The following GALNT7 variants were observed in gnomAD, a reference collection of about 807,000 sequenced individuals.
GALNT7 encodes polypeptide N-acetylgalactosaminyltransferase 7.
A neutral mutation model predicts 82.1 loss-of-function variants in GALNT7; 60 were observed. That is an observed-to-expected ratio of 0.73 (90% CI 0.59 to 0.91). The LOEUF (loss-of-function observed/expected upper bound fraction) is 0.91. GALNT7 is among the 40% of genes least tolerant of loss of function. The pLI, the probability that GALNT7 is intolerant of heterozygous loss-of-function variation, is 0.00. For synonymous variants in GALNT7, 243 were observed against 275.1 expected, an observed-to-expected ratio of 0.88 and a Z score of 1.15; for missense variants, 660 against 804.2, an observed-to-expected ratio of 0.82 and a Z score of 2.17.
chr4:173,271,406 A>G (rs974371705), intron 2 of GALNT7, among the ~76,000 whole-genome samples: 3 of 152,222 alleles, frequency 2.0e-5, no homozygotes, highest in African/African-American at 7.2e-5. Context: ...TAATCCTACC[A>G]GCCAAGTAAT....
rs576584187 is a variant in GALNT7 at position 173,246,372 on chromosome 4, T to A, written c.127-1608T>A. Among the ~76,000 whole-genome samples, 8 of 152,302 alleles carry A rather than the reference T, an allele frequency of 5.3e-5. No individual in the cohort carries two copies. The South Asian group carries it at 1.7e-3, about 32-fold the overall frequency. The stretch of plus-strand genomic sequence containing the variant: ...TTTAATGAGTTAGTTAAAATTTATG[T>A]CCCATCTTCAAAAAAAATTATCTTG... On this transcript the variant is annotated intron_variant, in intron 1 of 11. Coordinates refer to ENST00000265000, the MANE Select transcript of GALNT7 (RefSeq NM_017423.3).
In GALNT7 at chr4:173,321,565, T is replaced by TA; in HGVS notation, c.1837-14dup. On this transcript the variant is annotated splice_polypyrimidine_tract_variant and intron_variant, in intron 11 of 11. Transcript: ENST00000265000. ...GGGTCCAAATTTGAAACTTTTTTCT[T>TA]ACTGTGTTTTCCAGAACCTGCACAG... is the stretch of plus-strand genomic sequence containing the variant. 2 of 1,605,040 alleles carry TA rather than the reference T, an allele frequency of 1.2e-6. No individual in the cohort carries two copies. The highest frequency in any genetic ancestry group is 2.2e-5 in the East Asian group (1 of 44,790).
At chr4:173,204,463 G>T (rs1733029920) in intron 1 of GALNT7, among the ~76,000 whole-genome samples, 1 of 152,032 alleles carries the variant, frequency 6.6e-6, no homozygotes, top group African/African-American at 2.4e-5. Context: ...TCAAATATTT[G>T]CTGTTTTGAT....
At chr4:173,230,179 G>T (rs1001052403) in intron 1 of GALNT7, among the ~76,000 whole-genome samples, 2 of 152,148 alleles carry the variant, frequency 1.3e-5, no homozygotes, top group Non-Finnish European at 2.9e-5. Context: ...ATTTGCCAGA[G>T]CTTCACCTTT....
intron 1 of GALNT7, among the ~76,000 whole-genome samples, chr4:173,219,143 G>A (rs909221800): frequency 2.0e-5 from 3 of 151,870 alleles, no homozygotes; most frequent in Admixed American, 1.3e-4. Context: ...AGTCTTTCCC[G>A]AGTCCCCAAA....
intron 1 of GALNT7, among the ~76,000 whole-genome samples, chr4:173,201,670 A>G (rs1337762779): frequency 6.6e-6 from 1 of 152,212 alleles, no homozygotes; most frequent in Non-Finnish European, 1.5e-5. Flanking sequence ...GCAACAGGTG[A>G]TATCAGAGAG....
intron 1 of GALNT7, among the ~76,000 whole-genome samples, chr4:173,184,191 C>T (rs1287491687): frequency 6.6e-6 from 1 of 151,842 alleles, no homozygotes; most frequent in Non-Finnish European, 1.5e-5. Context: ...ACTTCCTAGA[C>T]GGGGTGGCGG....
chr4:173,260,696 T>G (rs1489722367), intron 2 of GALNT7, among the ~76,000 whole-genome samples: 1 of 152,232 alleles, frequency 6.6e-6, no homozygotes, highest in Non-Finnish European at 1.5e-5. Context: ...TTTTTATGTT[T>G]GTTATTGTGC....
At chr4:173,264,289 G>A (rs1231141501) in intron 2 of GALNT7, among the ~76,000 whole-genome samples, 1 of 152,160 alleles carries the variant, frequency 6.6e-6, no homozygotes, top group Non-Finnish European at 1.5e-5. Flanking sequence ...GATATGAGTG[G>A]TTATGATACC....
intron 1 of GALNT7, among the ~76,000 whole-genome samples, chr4:173,240,778 G>A (rs559253605): frequency 6.6e-6 from 1 of 152,266 alleles, no homozygotes; most frequent in East Asian, 1.9e-4. Context: ...AATCTGGTGG[G>A]AACAAACCTG....
intron 1 of GALNT7, among the ~76,000 whole-genome samples, chr4:173,195,976 C>G (rs189703900): frequency 1.3e-5 from 2 of 152,316 alleles, no homozygotes; most frequent in African/African-American, 4.8e-5. Context: ...ATAACTTCAG[C>G]TGCTTACTTT....
At chr4:173,222,778 G>A (rs1193510300) in intron 1 of GALNT7, among the ~76,000 whole-genome samples, 1 of 152,110 alleles carries the variant, frequency 6.6e-6, no homozygotes, top group Admixed American at 6.5e-5. Context: ...TGTACAATGG[G>A]ATTTGTGACT....
At chr4:173,267,248 A>G (rs1735536267) in intron 2 of GALNT7, among the ~76,000 whole-genome samples, 1 of 152,166 alleles carries the variant, frequency 6.6e-6, no homozygotes, top group Admixed American at 6.5e-5. Context: ...AGTATGGCCT[A>G]GAAGTAGAGG....
chr4:173,222,132 T>G (rs148576170), intron 1 of GALNT7, among the ~76,000 whole-genome samples: 1 of 152,202 alleles, frequency 6.6e-6, no homozygotes, highest in East Asian at 1.9e-4. Context: ...TATCAGCGCG[T>G]GCTTGGCAGA....
intron 1 of GALNT7, among the ~76,000 whole-genome samples, chr4:173,170,866 C>T (rs1731839258): frequency 6.6e-6 from 1 of 152,144 alleles, no homozygotes; most frequent in African/African-American, 2.4e-5. Flanking sequence ...CACTTGCCAA[C>T]TCGTGGAATA....
chr4:173,228,473 T>G (rs1404917695), intron 1 of GALNT7, among the ~76,000 whole-genome samples: 2 of 152,042 alleles, frequency 1.3e-5, no homozygotes, highest in African/African-American at 4.8e-5. Context: ...TTAAGTTCAG[T>G]TAGCATAATT....
chr4:173,262,144 CCTCA>C (rs1329023572), intron 2 of GALNT7, among the ~76,000 whole-genome samples: 26 of 152,180 alleles, frequency 1.7e-4, no homozygotes, highest in African/African-American at 6.3e-4. Flanking sequence ...GAAAATCTGG[CCTCA>C]CTCAGATATG....
chr4:173,238,227 A>G (rs1213399126), intron 1 of GALNT7, among the ~76,000 whole-genome samples: 2 of 151,988 alleles, frequency 1.3e-5, no homozygotes, highest in African/African-American at 4.8e-5. Flanking sequence ...CACTTTCCCA[A>G]TACCTTTCTT....
chr4:173,238,650 C>T (rs1005344002), intron 1 of GALNT7, among the ~76,000 whole-genome samples: 4 of 152,148 alleles, frequency 2.6e-5, no homozygotes, highest in Non-Finnish European at 5.9e-5. Context: ...TGATTTTTTT[C>T]AAGTTCAGTT....
Sources: gnomAD v4.1 joint callset for allele counts (sites outside exome capture counted in the v4.1 genomes callset) on GRCh38, gnomAD v4.1.1 for gene constraint, MANE v1.5 for transcripts, NCBI Gene and HGNC (gene_info 2026-07-23, HGNC 2026-07-21) for gene names.